CLDN10: variants seen among roughly 807,000 people sequenced by gnomAD.
CLDN10 encodes the protein claudin-10.
Under a neutral mutation model 22.9 loss-of-function variants are expected in CLDN10, and 15 were observed. The observed-to-expected ratio is 0.65, with a 90% CI of 0.44 to 1.01. The LOEUF is 1.01. Ranked by LOEUF, CLDN10 falls within the 50% of genes least tolerant of loss-of-function variation. The pLI, the probability that CLDN10 is intolerant of heterozygous loss-of-function variation, is 0.00. For synonymous variants in CLDN10, 114 were observed against 111.4 expected (o/e 1.02, Z -0.15); for missense variants, 247 against 287.8 (o/e 0.86, Z 1.03).
At chr13:95,490,131 T>C (rs2042855960) in intron 1 of CLDN10, among the ~76,000 whole-genome samples, 1 of 152,226 alleles carries the variant, frequency 6.6e-6, no homozygotes, top group Non-Finnish European at 1.5e-5. Context: ...CTTTATAGTA[T>C]AGTTTGAAAT....
rs1055867894 is a variant in CLDN10 at position 95,468,101 on chromosome 13, T to C, written c.214+34054T>C. ...ACATCCAGAATAATGTCTGACCAAA[T>C]ATCTGGGCACACCATGGCCCAGTCA... is the stretch of plus-strand genomic sequence containing the variant. On this transcript the variant is annotated intron_variant, in intron 1 of 4. Transcript: ENST00000376873. 2.0e-5 allele frequency among the ~76,000 whole-genome samples: 3 copies of C among 152,318 alleles called. 1 individual carries two copies. Among genetic ancestry groups the C allele is most frequent in the Admixed American group, 2.0e-4 (3 of 15,296 alleles).
intron 1 of CLDN10, among the ~76,000 whole-genome samples, chr13:95,456,704 C>T (rs757859554): frequency 6.6e-6 from 1 of 152,192 alleles, no homozygotes; most frequent in Non-Finnish European, 1.5e-5. Flanking sequence ...CTGCAGTGAA[C>T]TGTCATCATG....
chr13:95,560,286 A>G lies in CLDN10; in HGVS notation c.375A>G (p.Ile125Met). 1 of 1,614,160 alleles carries G rather than the reference A, an allele frequency of 6.2e-7. No homozygotes were observed. Among genetic ancestry groups the G allele is most frequent in the Non-Finnish European group, 8.5e-7 (1 of 1,179,978 alleles). Residue 125 changes from isoleucine to methionine, a missense_variant, in exon 2 of 5, where the codon ATA becomes ATG. Physicochemically the swap from Ile to Met is conservative, Grantham distance 10. Transcript: ENST00000299339. ...CTTGTTTGGCTGGGATTGTATTCAT[A>G]CTGTCAGGTAAATAGTAACTTTCTT... ...KIACLAGIVF[I>M]LSGLCSMTGC...
chr13:95,461,880 C>T (rs894413878), intron 1 of CLDN10, among the ~76,000 whole-genome samples: 26 of 152,038 alleles, frequency 1.7e-4, no homozygotes, highest in Non-Finnish European at 1.8e-4. Flanking sequence ...TCACTTGAGG[C>T]TAGGAGTTCA....
At chr13:95,488,856 AT>A (rs1359881975) in intron 1 of CLDN10, among the ~76,000 whole-genome samples, 1 of 151,794 alleles carries the variant, frequency 6.6e-6, no homozygotes, top group African/African-American at 2.4e-5. Flanking sequence ...ATATGCAAGT[AT>A]CTTTTTGGTG....
chr13:95,528,289 G>A (rs887371773), intron 1 of CLDN10, among the ~76,000 whole-genome samples: 63 of 126,630 alleles, frequency 5.0e-4, no homozygotes, highest in African/African-American at 1.8e-3. Context: ...TTTTATAAGG[G>A]GTTTCCCCTT....
chr13:95,458,196 A>G (rs1442124074), intron 1 of CLDN10, among the ~76,000 whole-genome samples: 2 of 152,134 alleles, frequency 1.3e-5, no homozygotes, highest in Admixed American at 6.6e-5. Flanking sequence ...TGATTGTATC[A>G]TGTCTATGAC....
intron 1 of CLDN10, among the ~76,000 whole-genome samples, chr13:95,558,247 G>A (rs2043662371): frequency 6.6e-6 from 1 of 152,176 alleles, no homozygotes; most frequent in African/African-American, 2.4e-5. Flanking sequence ...GGGACTGACA[G>A]GCTTCCCCTC....
At chr13:95,514,435 C>A (rs993444638) in intron 1 of CLDN10, among the ~76,000 whole-genome samples, 2 of 137,266 alleles carry the variant, frequency 1.5e-5, no homozygotes, top group Admixed American at 1.5e-4. Context: ...AAATGTTTAC[C>A]AGCAAACAAC....
intron 1 of CLDN10, among the ~76,000 whole-genome samples, chr13:95,541,790 T>G (rs1301954795): frequency 6.6e-6 from 1 of 152,172 alleles, no homozygotes; most frequent in Admixed American, 6.5e-5. Flanking sequence ...TGCACCCAAG[T>G]TTAATGATTA....
At chr13:95,547,988 C>T (rs1398485155), upstream of CLDN10, among the ~76,000 whole-genome samples, 1 of 152,186 alleles carries the variant, frequency 6.6e-6, no homozygotes, top group African/African-American at 2.4e-5. Flanking sequence ...ATTAGGAATC[C>T]TAGACTCAGG....
upstream of CLDN10, among the ~76,000 whole-genome samples, chr13:95,549,094 G>A (rs2043538585): frequency 6.6e-6 from 1 of 152,150 alleles, no homozygotes; most frequent in African/African-American, 2.4e-5. Flanking sequence ...AAGTAGAAAG[G>A]CTCAGAATAT....
At chr13:95,517,294 G>T (rs932066019) in intron 1 of CLDN10, among the ~76,000 whole-genome samples, 2 of 152,064 alleles carry the variant, frequency 1.3e-5, no homozygotes, top group Non-Finnish European at 2.9e-5. Flanking sequence ...AGACAAATAA[G>T]TCGGGGCAGC....
At chr13:95,507,719 G>A (rs1034814693) in intron 1 of CLDN10, among the ~76,000 whole-genome samples, 1 of 152,018 alleles carries the variant, frequency 6.6e-6, no homozygotes, top group African/African-American at 2.4e-5. Context: ...TGCCTCCTGG[G>A]TTCAAGCGAT....
chr13:95,551,802 T>C (rs917651844), upstream of CLDN10, among the ~76,000 whole-genome samples: 28 of 152,300 alleles, frequency 1.8e-4, no homozygotes, highest in East Asian at 5.4e-3. Flanking sequence ...ACCTTGATCT[T>C]TATGTTTACC....
intron 1 of CLDN10, among the ~76,000 whole-genome samples, chr13:95,510,645 C>T (rs2043086602): frequency 6.6e-6 from 1 of 151,808 alleles, no homozygotes; most frequent in African/African-American, 2.4e-5. Flanking sequence ...GTTTTTATGG[C>T]TTAAGTATAT....
At chr13:95,444,418 T>C (rs1594522399) in intron 1 of CLDN10, among the ~76,000 whole-genome samples, 1 of 152,230 alleles carries the variant, frequency 6.6e-6, no homozygotes, top group African/African-American at 2.4e-5. Flanking sequence ...TGGCAAATCA[T>C]TCAGCAGATT....
chr13:95,500,427 A>G (rs561764677), intron 1 of CLDN10, among the ~76,000 whole-genome samples: 1 of 152,304 alleles, frequency 6.6e-6, no homozygotes, highest in East Asian at 1.9e-4. Context: ...GGGAACAGCA[A>G]ATGCCAAGAG....
intron 1 of CLDN10, among the ~76,000 whole-genome samples, chr13:95,513,280 A>T (rs1056459690): frequency 6.6e-5 from 10 of 152,204 alleles, no homozygotes; most frequent in African/African-American, 2.4e-4. Flanking sequence ...TACTATTTAC[A>T]TATCCCCTGT....
Sources: gnomAD v4.1 joint callset for allele counts (sites outside exome capture counted in the v4.1 genomes callset) on GRCh38, gnomAD v4.1.1 for gene constraint, MANE v1.5 for transcripts, NCBI Gene and HGNC (gene_info 2026-07-23, HGNC 2026-07-21) for gene names.